Variants in ABAT observed in about 807,000 individuals in gnomAD.
ABAT encodes the protein 4-aminobutyrate aminotransferase, mitochondrial.
ABAT carries 45 observed loss-of-function variants against 64.6 expected under a neutral mutation model. The ratio of observed to expected loss-of-function variants is 0.70; its 90% CI spans 0.55 to 0.89. The LOEUF (loss-of-function observed/expected upper bound fraction) is 0.89, where lower values mean the gene tolerates loss of function less well. Ranked by LOEUF, ABAT falls within the 40% of genes least tolerant of loss-of-function variation. The pLI is 0.00. For synonymous variants in ABAT, 297 were observed against 250.5 expected (o/e 1.19, Z -1.75); for missense variants, 633 against 658.4 (o/e 0.96, Z 0.42).
chr16:8,675,429 G>T (rs2057175032), intron 1 of ABAT, among the ~76,000 whole-genome samples: 1 of 151,838 alleles, frequency 6.6e-6, no homozygotes, highest in Admixed American at 6.6e-5. Flanking sequence ...ACCCCTCCAA[G>T]TCATCCACCT....
chr16:8,771,032 A>T (rs2060090683), intron 11 of ABAT, among the ~76,000 whole-genome samples: 1 of 152,174 alleles, frequency 6.6e-6, no homozygotes, highest in South Asian at 2.1e-4. Context: ...GCGGTGGCTC[A>T]TGCCTGTAAC....
At chr16:8,760,844 GCAGAAGGATCC>G (rs1382749984) in intron 6 of ABAT, among the ~76,000 whole-genome samples, 1 of 152,164 alleles carries the variant, frequency 6.6e-6, no homozygotes, top group African/African-American at 2.4e-5. Flanking sequence ...GGAGGCTGAG[GCAGAAGGATCC>G]CTGAGGCCAA....
At chr16:8,743,318 CTGTGTGTGTGTGTG>C (rs56100974) in intron 2 of ABAT, among the ~76,000 whole-genome samples, 4 of 142,558 alleles carry the variant, frequency 2.8e-5, no homozygotes, top group African/African-American at 1.1e-4. Context: ...ATGTGTGTCT[CTGTGTGTGTGTGTG>C]TGTGTGTGTG....
intron 15 of ABAT, 125 bp downstream of exon 15, chr16:8,779,715 G>C (rs41305755): frequency 0.2 from 148,609 of 746,176 alleles, 15,237 homozygotes; most frequent in Middle Eastern, 0.27. Flanking sequence ...GGTCTGAAAA[G>C]AGCCTGAATG....
intron 5 of ABAT, among the ~76,000 whole-genome samples, chr16:8,751,124 T>G (rs1305680073): frequency 2.0e-5 from 3 of 152,040 alleles, no homozygotes; most frequent in Non-Finnish European, 4.4e-5. Flanking sequence ...AATTTTTGCA[T>G]TTTTAGTAGA....
At chr16:8,686,382 G>C (rs1280490839) in intron 1 of ABAT, among the ~76,000 whole-genome samples, 2 of 152,200 alleles carry the variant, frequency 1.3e-5, no homozygotes, top group Non-Finnish European at 2.9e-5. Flanking sequence ...TTCTGACCTG[G>C]GGACAGGTTC....
chr16:8,679,938 T>C (rs993729592), intron 1 of ABAT, among the ~76,000 whole-genome samples: 1 of 152,128 alleles, frequency 6.6e-6, no homozygotes, highest in Non-Finnish European at 1.5e-5. Context: ...CACATTAAAC[T>C]GTCTTGCCCG....
intron 1 of ABAT, among the ~76,000 whole-genome samples, chr16:8,685,324 G>T (rs368028145): frequency 2.7e-4 from 41 of 152,006 alleles, no homozygotes; most frequent in African/African-American, 8.2e-4. Flanking sequence ...GCTAGAATCA[G>T]ATAATCCAAA....
chr16:8,688,592 C>G (rs145802273), intron 1 of ABAT, among the ~76,000 whole-genome samples: 1 of 152,310 alleles, frequency 6.6e-6, no homozygotes, highest in African/African-American at 2.4e-5. Context: ...TCCCTCATCC[C>G]CATCCTGTGG....
chr16:8,768,367 C>G, intron 10 of ABAT, 111 bp downstream of exon 10: 1 of 998,280 alleles, frequency 1.0e-6, no homozygotes, highest in Non-Finnish European at 1.5e-6. Flanking sequence ...ACTGATTGCA[C>G]ACAATCCCAC....
intron 6 of ABAT, among the ~76,000 whole-genome samples, chr16:8,759,178 C>A (rs1409522409): frequency 6.6e-6 from 1 of 152,212 alleles, no homozygotes; most frequent in East Asian, 1.9e-4. Context: ...AAATGCACCA[C>A]TCAATGAATT....
chr16:8,723,005 G>C (rs536067863), intron 1 of ABAT, among the ~76,000 whole-genome samples: 1 of 152,136 alleles, frequency 6.6e-6, no homozygotes, highest in Non-Finnish European at 1.5e-5. Context: ...CTGGGAGGCC[G>C]AGGGATCACT....
intron 1 of ABAT, among the ~76,000 whole-genome samples, chr16:8,688,431 C>G (rs957541158): frequency 2.0e-5 from 3 of 152,036 alleles, no homozygotes; most frequent in African/African-American, 7.2e-5. Context: ...CTTAGAAGCC[C>G]TCCTCCTTCC....
intron 1 of ABAT, among the ~76,000 whole-genome samples, chr16:8,678,738 C>T (rs1003283303): frequency 3.9e-5 from 6 of 152,160 alleles, no homozygotes; most frequent in Admixed American, 6.5e-5. Context: ...GAAGGGATTA[C>T]AGTATATGCA....
At chr16:8,753,038 G>A (rs987470947) in intron 5 of ABAT, among the ~76,000 whole-genome samples, 1 of 151,396 alleles carries the variant, frequency 6.6e-6, no homozygotes, top group Non-Finnish European at 1.5e-5. Flanking sequence ...TACACAGGGA[G>A]TCCAAGGCTA....
At chr16:8,695,688 G>A (rs889463739) in intron 1 of ABAT, among the ~76,000 whole-genome samples, 3 of 152,116 alleles carry the variant, frequency 2.0e-5, no homozygotes, top group Admixed American at 6.6e-5. Flanking sequence ...CTTTGCCTCC[G>A]TTTTCTCATC....
chr16:8,768,257 G>A lies in ABAT; in HGVS notation c.667+1G>A. 3 of 1,613,942 alleles carry A rather than the reference G, an allele frequency of 1.9e-6. No homozygotes were observed. The highest frequency in any genetic ancestry group is 2.5e-6 in the Non-Finnish European group (3 of 1,180,002). ...GGCGCGTTCCATGGGAGGACCATGG[G>A]TAAGGAGGGACCATTGCGCTCCCAA... On this transcript the variant is annotated splice_donor_variant, in intron 10 of 15. Transcript: ENST00000268251. LOFTEE classifies it high-confidence loss of function.
At position 8,780,233 on chromosome 16, in the gene ABAT, C is replaced by T. The variant is rs74008072; in HGVS notation, c.1381+643C>T. 5.7e-3 allele frequency among the ~76,000 whole-genome samples: 874 copies of T among 152,068 alleles called. 6 individuals are homozygous for T. The highest frequency in any genetic ancestry group is 0.02 in the African/African-American group (825 of 41,466). ...GGGGGAGGAGAGGCCAGGCCCGGGT[C>T]GCATGGGCCTGCAGATCAGGCTTAG... is the stretch of plus-strand genomic sequence containing the variant. On this transcript the variant is annotated intron_variant, in intron 15 of 15. Transcript: ENST00000268251.
intron 1 of ABAT, among the ~76,000 whole-genome samples, chr16:8,711,267 A>C (rs1254395127): frequency 5.3e-5 from 8 of 152,156 alleles, no homozygotes; most frequent in Admixed American, 5.2e-4. Context: ...CAGTGTGGAG[A>C]AAGCAGAGGA....
Sources: gnomAD v4.1 joint callset for allele counts (sites outside exome capture counted in the v4.1 genomes callset) on GRCh38, gnomAD v4.1.1 for gene constraint, MANE v1.5 for transcripts, NCBI Gene and HGNC (gene_info 2026-07-23, HGNC 2026-07-21) for gene names.